The following SGCD variants were observed in gnomAD, a reference collection of about 807,000 sequenced individuals.
The protein encoded by SGCD is sarcoglycan delta.
A neutral mutation model predicts 36.6 loss-of-function variants in SGCD; 18 were observed. The observed-to-expected ratio is 0.49, with a 90% CI of 0.34 to 0.73. The LOEUF is 0.73. Ranked by LOEUF, SGCD falls within the 30% of genes least tolerant of loss-of-function variation. The probability of loss-of-function intolerance (pLI) is 0.01; values close to 1 mark genes in which losing one functional copy is unlikely to be tolerated. For synonymous variants in SGCD, 133 were observed against 130.6 expected, an observed-to-expected ratio of 1.02 and a Z score of -0.12; for missense variants, 387 against 346.7, an observed-to-expected ratio of 1.12 and a Z score of -0.92.
intron 6 of SGCD, among the ~76,000 whole-genome samples, chr5:156,608,137 G>T (rs1343180762): frequency 6.6e-6 from 1 of 152,154 alleles, no homozygotes; most frequent in Non-Finnish European, 1.5e-5. Context: ...TGTGATGTTA[G>T]TGTGTCAATT....
intron 1 of SGCD, among the ~76,000 whole-genome samples, chr5:155,938,215 G>A (rs1040577136): frequency 2.0e-4 from 30 of 152,182 alleles, no homozygotes; most frequent in African/African-American, 6.0e-4. Context: ...TCAATCAAAC[G>A]CAGCATTTGA....
intron 3 of SGCD, among the ~76,000 whole-genome samples, chr5:156,472,055 A>G (rs918290487): frequency 2.0e-5 from 3 of 152,212 alleles, no homozygotes; most frequent in South Asian, 4.1e-4. Context: ...TAAAACACCA[A>G]CTAGGTAATT....
intron 6 of SGCD, among the ~76,000 whole-genome samples, chr5:156,602,784 A>G (rs1335496709): frequency 1.3e-5 from 2 of 152,216 alleles, no homozygotes; most frequent in African/African-American, 4.8e-5. Context: ...CATTCCTGGT[A>G]TGAATCCTAC....
chr5:156,590,557 C>A (rs1440961474), intron 5 of SGCD, among the ~76,000 whole-genome samples: 1 of 152,118 alleles, frequency 6.6e-6, no homozygotes, highest in African/African-American at 2.4e-5. Flanking sequence ...GTGAAAATTG[C>A]CTCCAGGAGG....
In SGCD at chr5:156,242,193, G is replaced by C. The variant is rs560388289; in HGVS notation, c.-43-87341G>C. Among the ~76,000 whole-genome samples, 86 of 152,278 alleles carry C rather than the reference G, an allele frequency of 5.6e-4. 1 individual carries two copies. Among genetic ancestry groups the C allele is most frequent in the African/African-American group, 2.0e-3 (82 of 41,560 alleles). ...CAGAAATAAAAATAAATGGACTATT[G>C]CTAAGTTCAAAATCTTAGGTGGATA... On this transcript the variant is annotated intron_variant, in intron 3 of 9. Transcript: ENST00000517913.
At chr5:156,757,437 C>T in intron 7 of SGCD, 144 bp from the exon 8 acceptor site, 1 of 586,254 alleles carries the variant, frequency 1.7e-6, no homozygotes, top group Non-Finnish European at 3.0e-6. Context: ...CTGTCATAAA[C>T]TTGACCAGGT....
intron 3 of SGCD, among the ~76,000 whole-genome samples, chr5:156,246,846 C>T (rs558679454): frequency 4.6e-5 from 7 of 152,084 alleles, no homozygotes; most frequent in Non-Finnish European, 1.0e-4. Context: ...ACATACAATC[C>T]ACAGATATCA....
chr5:156,037,360 G>A (rs1286728472), intron 1 of SGCD, among the ~76,000 whole-genome samples: 1 of 152,122 alleles, frequency 6.6e-6, no homozygotes. Flanking sequence ...TGATGGAGCT[G>A]ATAAAACAGT....
intron 3 of SGCD, among the ~76,000 whole-genome samples, chr5:156,362,593 C>A (rs567269578): frequency 6.6e-6 from 1 of 152,276 alleles, no homozygotes; most frequent in South Asian, 2.1e-4. Context: ...TTGCAGTGAG[C>A]CAAGATCACG....
the SGCD span, among the ~76,000 whole-genome samples, chr5:155,824,392 CTAT>C: frequency 6.6e-6 from 1 of 151,984 alleles, no homozygotes; most frequent in Non-Finnish European, 1.5e-5. Flanking sequence ...ATGTGAGATA[CTAT>C]TATTATTGTC....
At chr5:156,500,681 A>G (rs1756407097) in intron 3 of SGCD, among the ~76,000 whole-genome samples, 1 of 152,188 alleles carries the variant, frequency 6.6e-6, no homozygotes, top group Non-Finnish European at 1.5e-5. Context: ...CTCATCTAAC[A>G]ACGACCAACG....
chr5:156,510,418 T>C (rs1439702624), intron 4 of SGCD, among the ~76,000 whole-genome samples: 5 of 152,188 alleles, frequency 3.3e-5, no homozygotes, highest in Admixed American at 2.6e-4. Flanking sequence ...TTAATTTATA[T>C]CTTGTTTTCC....
chr5:156,264,620 A>G (rs1161444945), intron 3 of SGCD, among the ~76,000 whole-genome samples: 1 of 152,092 alleles, frequency 6.6e-6, no homozygotes, highest in African/African-American at 2.4e-5. Flanking sequence ...CCCATGTAAG[A>G]GTTGCTTCAG....
At chr5:156,752,205 AGTAGT>A (rs1757169934) in intron 7 of SGCD, among the ~76,000 whole-genome samples, 1 of 152,220 alleles carries the variant, frequency 6.6e-6, no homozygotes, top group African/African-American at 2.4e-5. Context: ...AGTATGCAAT[AGTAGT>A]GTATTGTTTA....
At chr5:155,941,468 T>C (rs1757324188) in intron 1 of SGCD, among the ~76,000 whole-genome samples, 1 of 151,598 alleles carries the variant, frequency 6.6e-6, no homozygotes, top group African/African-American at 2.4e-5. Context: ...ATCACTGATA[T>C]TATTTAAATA....
intron 6 of SGCD, among the ~76,000 whole-genome samples, chr5:156,626,178 G>A (rs1388895226): frequency 6.6e-6 from 1 of 152,152 alleles, no homozygotes; most frequent in Non-Finnish European, 1.5e-5. Flanking sequence ...GAGAAGCCGT[G>A]GGCTAGAGGA....
chr5:156,632,130 CAGA>C (rs1264059085), intron 6 of SGCD, among the ~76,000 whole-genome samples: 1 of 152,158 alleles, frequency 6.6e-6, no homozygotes, highest in Non-Finnish European at 1.5e-5. Context: ...GACATTATCT[CAGA>C]AGGAGAGACA....
At chr5:155,765,346 AAGAG>A in the SGCD span, among the ~76,000 whole-genome samples, 19 of 144,946 alleles carry the variant, frequency 1.3e-4, no homozygotes, top group African/African-American at 4.0e-4. Flanking sequence ...AAGGAAGGGA[AAGAG>A]AGAGGGAGGG....
intron 1 of SGCD, among the ~76,000 whole-genome samples, chr5:155,900,414 A>G (rs1580979717): frequency 6.6e-6 from 1 of 151,844 alleles, no homozygotes; most frequent in East Asian, 1.9e-4. Context: ...TCTTTTTGCA[A>G]CTAGCTTTTT....
Sources: gnomAD v4.1 joint callset for allele counts (sites outside exome capture counted in the v4.1 genomes callset) on GRCh38, gnomAD v4.1.1 for gene constraint, MANE v1.5 for transcripts, NCBI Gene and HGNC (gene_info 2026-07-23, HGNC 2026-07-21) for gene names.